The following ATP8A2 variants were observed in gnomAD, a reference collection of about 807,000 sequenced individuals.
ATP8A2 encodes ATPase phospholipid transporting 8A2.
Under a neutral mutation model 165.6 loss-of-function variants are expected in ATP8A2, and 100 were observed. The ratio of observed to expected loss-of-function variants is 0.60; its 90% CI spans 0.51 to 0.71. The LOEUF is 0.71. Among genes scored for constraint, ATP8A2 ranks in the 30% least tolerant of loss-of-function variants. The pLI, the probability that ATP8A2 is intolerant of heterozygous loss-of-function variation, is 0.00. For synonymous variants in ATP8A2, 543 were observed against 548.8 expected, an observed-to-expected ratio of 0.99 and a Z score of 0.15; for missense variants, 1,227 against 1,479.5, an observed-to-expected ratio of 0.83 and a Z score of 2.80.
intron 2 of ATP8A2, among the ~76,000 whole-genome samples, chr13:25,510,182 C>T (rs958451013): frequency 7.5e-4 from 71 of 94,116 alleles, no homozygotes; most frequent in Non-Finnish European, 1.6e-3. Flanking sequence ...GTAACACACA[C>T]ACACACACAC....
chr13:25,993,053 G>A (rs2139296488), intron 35 of ATP8A2, among the ~76,000 whole-genome samples: 1 of 151,610 alleles, frequency 6.6e-6, no homozygotes, highest in Admixed American at 6.6e-5. Context: ...ATTCCATGGT[G>A]TATATGTCCC....
At chr13:25,891,791 C>G (rs888753610) in intron 33 of ATP8A2, among the ~76,000 whole-genome samples, 20 of 152,002 alleles carry the variant, frequency 1.3e-4, no homozygotes, top group African/African-American at 4.8e-4. Flanking sequence ...CCAAACTGTC[C>G]CACTTTGGGT....
intron 33 of ATP8A2, among the ~76,000 whole-genome samples, chr13:25,932,970 C>T (rs1954804425): frequency 6.6e-6 from 1 of 152,184 alleles, no homozygotes; most frequent in South Asian, 2.1e-4. Context: ...CCTCAGCCTC[C>T]CCAGTAGCTG....
chr13:25,491,683 A>G (rs1167740630), intron 2 of ATP8A2, among the ~76,000 whole-genome samples: 1 of 152,206 alleles, frequency 6.6e-6, no homozygotes, highest in East Asian at 1.9e-4. Flanking sequence ...TATGAACTGC[A>G]GGGTATGATA....
At chr13:25,866,648 A>T (rs1305655167) in intron 33 of ATP8A2, among the ~76,000 whole-genome samples, 1 of 152,106 alleles carries the variant, frequency 6.6e-6, no homozygotes, top group Non-Finnish European at 1.5e-5. Context: ...ACAGAGAGAC[A>T]CACACACAGA....
At chr13:25,448,849 G>C (rs1218839344) in intron 1 of ATP8A2, among the ~76,000 whole-genome samples, 2 of 152,010 alleles carry the variant, frequency 1.3e-5, no homozygotes, top group Admixed American at 1.3e-4. Context: ...ATTTTTAGTA[G>C]AGAAGGGATT....
In ATP8A2 at chr13:25,769,205, C is replaced by T. The variant is rs1191289129; in HGVS notation, c.2544C>T (p.Asn848=). Reference sequence around the variant, plus strand: ...GGAATGAAGGCATGCAGGCCACCAACAACTCGGATTACGCCATCGCACAGG... The same window carrying T: ...GGAATGAAGGCATGCAGGCCACCAATAACTCGGATTACGCCATCGCACAGG... The part of the protein sequence containing the change: ...ISGNEGMQAT[N]NSDYAIAQFS... The change falls in exon 26 of 37, where the codon AAC becomes AAT. Residue 848 remains asparagine, a synonymous_variant. Transcript: ENST00000381655. 3 of 1,613,202 alleles carry T rather than the reference C, an allele frequency of 1.9e-6. No homozygotes were observed. The highest frequency in any genetic ancestry group is 4.5e-5 in the East Asian group (2 of 44,842).
intron 1 of ATP8A2, chr13:25,468,694 G>A: frequency 2.7e-6 from 1 of 367,468 alleles, no homozygotes; most frequent in Non-Finnish European, 3.8e-6. Flanking sequence ...CAGGGAGGGA[G>A]CGCAGGAGCT....
chr13:25,801,507 C>T (rs149014147), intron 27 of ATP8A2, among the ~76,000 whole-genome samples: 1 of 152,078 alleles, frequency 6.6e-6, no homozygotes, highest in Non-Finnish European at 1.5e-5. Context: ...GTGGCTCTCT[C>T]CTGAAGATGG....
chr13:25,490,367 C>T (rs1024170095), intron 2 of ATP8A2, among the ~76,000 whole-genome samples: 3 of 152,232 alleles, frequency 2.0e-5, no homozygotes, highest in East Asian at 1.9e-4. Flanking sequence ...GAGCACAGCA[C>T]GGACGGGCCA....
At chr13:25,569,158 C>G (rs1004176089) in intron 16 of ATP8A2, among the ~76,000 whole-genome samples, 2 of 152,142 alleles carry the variant, frequency 1.3e-5, no homozygotes. Flanking sequence ...TGAATTGAAG[C>G]TAAATTCTCA....
At chr13:25,714,436 T>G (rs919901931) in intron 25 of ATP8A2, among the ~76,000 whole-genome samples, 2 of 152,138 alleles carry the variant, frequency 1.3e-5, no homozygotes, top group Non-Finnish European at 2.9e-5. Context: ...TTTCCATAGC[T>G]TTATTTTGCT....
chr13:25,456,063 T>A (rs945524873), intron 1 of ATP8A2, among the ~76,000 whole-genome samples: 1 of 152,162 alleles, frequency 6.6e-6, no homozygotes, highest in Non-Finnish European at 1.5e-5. Context: ...GTCCAGACCA[T>A]AGTTGTTCAT....
intron 26 of ATP8A2, among the ~76,000 whole-genome samples, chr13:25,771,292 C>T (rs896128965): frequency 2.0e-5 from 3 of 152,206 alleles, no homozygotes; most frequent in Admixed American, 6.5e-5. Flanking sequence ...GGGCCGGCCC[C>T]ACGCACACCT....
In ATP8A2 at chr13:26,019,886, A is replaced by G; in HGVS notation, c.3470-2A>G. On this transcript the variant is annotated splice_acceptor_variant, in intron 36 of 36. Transcript: ENST00000381655. LOFTEE classifies it high-confidence loss of function. ...AGTTTCTCCTGTGTGCTTCACTTTC[A>G]GATGGGTATGCTTTTTCTCAAGAAG... 1 of 1,611,068 alleles carries G rather than the reference A, an allele frequency of 6.2e-7. No individual in the cohort carries two copies. Among genetic ancestry groups the G allele is most frequent in the Admixed American group, 1.7e-5 (1 of 60,014 alleles).
At chr13:25,598,685 T>G (rs1254064248) in intron 24 of ATP8A2, among the ~76,000 whole-genome samples, 1 of 152,204 alleles carries the variant, frequency 6.6e-6, no homozygotes, top group African/African-American at 2.4e-5. Context: ...AAATTCCTCC[T>G]CTGCTAATTC....
At chr13:25,691,689 A>G (rs1273110760) in intron 24 of ATP8A2, among the ~76,000 whole-genome samples, 3 of 152,206 alleles carry the variant, frequency 2.0e-5, no homozygotes, top group African/African-American at 7.2e-5. Flanking sequence ...TTGAAATGTT[A>G]TACATTTAAC....
chr13:26,006,710 T>C (rs182676366), intron 35 of ATP8A2, among the ~76,000 whole-genome samples: 67 of 152,118 alleles, frequency 4.4e-4, no homozygotes, highest in East Asian at 3.9e-3. Flanking sequence ...TTTTCCACAA[T>C]AAAAATATCA....
At chr13:25,629,047 C>T (rs539449767) in intron 24 of ATP8A2, among the ~76,000 whole-genome samples, 1 of 152,108 alleles carries the variant, frequency 6.6e-6, no homozygotes, top group African/African-American at 2.4e-5. Flanking sequence ...GTCTGTTGGC[C>T]ACTGTCCTTG....
Sources: gnomAD v4.1 joint callset for allele counts (sites outside exome capture counted in the v4.1 genomes callset) on GRCh38, gnomAD v4.1.1 for gene constraint, MANE v1.5 for transcripts, NCBI Gene and HGNC (gene_info 2026-07-23, HGNC 2026-07-21) for gene names.